Variants in ZNF133 observed in about 807,000 individuals in gnomAD.
ZNF133 encodes zinc finger protein 133 (clone pHZ-13).
A neutral mutation model predicts 54.9 loss-of-function variants in ZNF133; 26 were observed. The observed-to-expected ratio is 0.47, with a 90% CI of 0.35 to 0.66. The LOEUF (loss-of-function observed/expected upper bound fraction) is 0.66. ZNF133 is among the 30% of genes least tolerant of loss of function. The pLI is 0.01. For synonymous variants in ZNF133, 298 were observed against 320.3 expected (o/e 0.93, Z 0.74); for missense variants, 653 against 820.8 (o/e 0.80, Z 2.50).
chr20:18,310,720 A>T (rs2045705199), intron 6 of ZNF133, among the ~76,000 whole-genome samples: 1 of 152,178 alleles, frequency 6.6e-6, no homozygotes, highest in Admixed American at 6.5e-5. Context: ...TAATAACAAT[A>T]TATTGTATTC....
At position 18,316,842 on chromosome 20, in the gene ZNF133, GAGTC is replaced by G. The variant is rs760449753; in HGVS notation, c.*29_*32del. 4.5e-6 allele frequency: 7 copies of G among 1,566,062 alleles called. No homozygotes were observed. The East Asian group carries it at 1.6e-4, about 35-fold the overall frequency. ...AGGCAAAGATGGGGACAAGGACTAAGAGTCAGAATGTTGACACTTTGATGAAATG... is the reference window on the plus strand; with the variant it reads ...AGGCAAAGATGGGGACAAGGACTAAGAGAATGTTGACACTTTGATGAAATG... On this transcript the variant is annotated 3_prime_UTR_variant, in exon 7 of 7. Transcript: ENST00000425686.
intron 6 of ZNF133, among the ~76,000 whole-genome samples, chr20:18,308,792 A>G (rs964865440): frequency 6.6e-6 from 1 of 152,218 alleles, no homozygotes; most frequent in Non-Finnish European, 1.5e-5. Context: ...TAACAGATAA[A>G]TTTCATGAGA....
Position 18,316,210 on chromosome 20 carries a change from C to T in ZNF133, c.1359C>T (p.Leu453=). The T allele has an allele frequency of 6.2e-7, 1 of 1,607,370 alleles. No homozygotes were observed. Among genetic ancestry groups the T allele is most frequent in the East Asian group, 2.2e-5 (1 of 44,808 alleles). ...GAGGCTTTAGTCTCAAGTCACACCT[C>T]AACAGACACCAGAACATACACTCAG... is the stretch of plus-strand genomic sequence containing the variant. ...CGRGFSLKSH[L]NRHQNIHSGE... The change falls in exon 7 of 7, where the codon CTC becomes CTT. Residue 453 remains leucine (L), a synonymous_variant. Transcript: ENST00000425686.
chr20:18,300,532 A>T (rs1188579006), intron 3 of ZNF133, among the ~76,000 whole-genome samples: 1 of 152,190 alleles, frequency 6.6e-6, no homozygotes, highest in Non-Finnish European at 1.5e-5. Flanking sequence ...ACAATTTGGC[A>T]TAGTGGATTT....
chr20:18,311,506 T>C (rs184747063), intron 6 of ZNF133, among the ~76,000 whole-genome samples: 1 of 152,216 alleles, frequency 6.6e-6, no homozygotes, highest in Non-Finnish European at 1.5e-5. Flanking sequence ...TTTTTCTGTT[T>C]ATTGGCAAGC....
intron 1 of ZNF133, among the ~76,000 whole-genome samples, chr20:18,292,813 T>A (rs2041348876): frequency 6.6e-6 from 1 of 152,206 alleles, no homozygotes; most frequent in Non-Finnish European, 1.5e-5. Flanking sequence ...AATAAATACT[T>A]GCCAAATGAA....
intron 6 of ZNF133, among the ~76,000 whole-genome samples, chr20:18,312,116 G>A (rs1250614390): frequency 6.6e-6 from 1 of 152,130 alleles, no homozygotes; most frequent in East Asian, 1.9e-4. Flanking sequence ...TATGTTTTGT[G>A]TACACCTTGT....
At chr20:18,312,478 GA>G (rs775622353) in intron 6 of ZNF133, among the ~76,000 whole-genome samples, 2 of 152,186 alleles carry the variant, frequency 1.3e-5, no homozygotes, top group Non-Finnish European at 2.9e-5. Context: ...ATCTTACTTT[GA>G]AATATTGATT....
chr20:18,315,578 G>T lies in ZNF133; in HGVS notation c.727G>T (p.Val243Leu). ...QRIHSGEKPY[V>L]CGVCEKGFSL... ...GATACACTCAGGGGAGAAGCCCTAC[G>T]TGTGTGGGGTATGTGAGAAGGGCTT... The change falls in exon 7 of 7, where the codon GTG becomes TTG. Residue 243 changes from valine (V) to leucine (L), a missense_variant. This residue lies in a region of ZNF133 where 292 missense variants were observed against 431.6 expected (regional missense o/e 0.68). Coordinates refer to ENST00000425686, the MANE Select transcript of ZNF133 (RefSeq NM_001352452.2). 6.2e-7 allele frequency: 1 copy of T among 1,614,118 alleles called. No individual in the cohort carries two copies. Among genetic ancestry groups the T allele is most frequent in the Non-Finnish European group, 8.5e-7 (1 of 1,179,996 alleles).
chr20:18,315,145 T>C lies in ZNF133; in HGVS notation c.294T>C (p.His98=), dbSNP rs777678025. 1.2e-6 allele frequency: 2 copies of C among 1,603,792 alleles called. No individual in the cohort carries two copies. The highest frequency in any genetic ancestry group is 1.1e-5 in the South Asian group (1 of 89,908). Reference sequence around the variant, plus strand: ...CCAGTCAGAAATTCCCCATGCAGCATGTGCTGTGTAATCATCCCCCCTGGA... The same window carrying C: ...CCAGTCAGAAATTCCCCATGCAGCACGTGCTGTGTAATCATCCCCCCTGGA... The part of the protein sequence containing the change: ...GFSSQKFPMQ[H]VLCNHPPWIF... Residue 98 remains histidine (H), a synonymous_variant, in exon 7 of 7, where the codon CAT becomes CAC. Transcript: ENST00000425686.
intron 6 of ZNF133, among the ~76,000 whole-genome samples, chr20:18,307,590 T>G (rs1024541811): frequency 1.3e-5 from 2 of 152,254 alleles, no homozygotes; most frequent in African/African-American, 4.8e-5. Flanking sequence ...TACATGTTTT[T>G]ATCTGCCTGA....
At chr20:18,291,600 C>T (rs1025705741) in intron 1 of ZNF133, among the ~76,000 whole-genome samples, 6 of 152,140 alleles carry the variant, frequency 3.9e-5, no homozygotes, top group Non-Finnish European at 7.3e-5. Context: ...TTGGTTCTCC[C>T]GTTCATTCTC....
chr20:18,298,184 C>A, intron 2 of ZNF133, 105 bp from the exon 3 acceptor site: 1 of 1,516,102 alleles, frequency 6.6e-7, no homozygotes, highest in Non-Finnish European at 8.8e-7. Flanking sequence ...TGCTCCCCTG[C>A]CTCAGCATCA....
At chr20:18,304,981 G>C in intron 3 of ZNF133, 27 bp from the exon 4 acceptor site, 1 of 985,348 alleles carries the variant, frequency 1.0e-6, no homozygotes, top group South Asian at 4.7e-5. Context: ...CCCTGTCTTA[G>C]AAACCCCTTT....
chr20:18,316,088 G>T lies in ZNF133; in HGVS notation c.1237G>T (p.Gly413Trp). 6.2e-7 allele frequency: 1 copy of T among 1,612,422 alleles called. No individual in the cohort carries two copies. Among genetic ancestry groups the T allele is most frequent in the Non-Finnish European group, 8.5e-7 (1 of 1,179,312 alleles). Residue 413 changes from glycine to tryptophan, a missense_variant, in exon 7 of 7, where the codon GGG becomes TGG. Around this residue, in one of 4 missense-constraint regions of ZNF133, gnomAD observed 292 missense variants for 431.6 expected, o/e 0.68. Coordinates refer to ENST00000425686, the MANE Select transcript of ZNF133 (RefSeq NM_001352452.2). ...CTCAAAGGAGAAGCCCTATGTGTGC[G>T]GGGTGTGTGGGCACAGCTTCAGCCA... The part of the protein sequence containing the change: ...THSKEKPYVC[G>W]VCGHSFSQNS...
intron 6 of ZNF133, chr20:18,310,303 C>G (rs1048151128): frequency 2.0e-5 from 31 of 1,532,350 alleles, no homozygotes; most frequent in Non-Finnish European, 2.6e-5. Context: ...GAAGACTGTT[C>G]TAGGTATAAA....
chr20:18,304,455 A>G lies in ZNF133; in HGVS notation c.-177-553A>G, dbSNP rs998036679. 9.2e-5 allele frequency among the ~76,000 whole-genome samples: 14 copies of G among 152,224 alleles called. No homozygotes were observed. The East Asian group carries it at 1.5e-3, about 17-fold the overall frequency. ...AACAAATATTTATACAACCATGTGCATGGAAGAATAGCCAGAAGCTAGAAA... is the reference window on the plus strand; with the variant it reads ...AACAAATATTTATACAACCATGTGCGTGGAAGAATAGCCAGAAGCTAGAAA... On this transcript the variant is annotated intron_variant, in intron 3 of 6. Coordinates refer to ENST00000425686, the MANE Select transcript of ZNF133 (RefSeq NM_001352452.2).
At chr20:18,288,892 G>A (rs2040250772) in intron 1 of ZNF133, among the ~76,000 whole-genome samples, 1 of 152,164 alleles carries the variant, frequency 6.6e-6, no homozygotes, top group Non-Finnish European at 1.5e-5. Context: ...TTGTGGGTGG[G>A]GACAGGTTCG....
Position 18,315,664 on chromosome 20 carries a change from G to A in ZNF133, c.813G>A (p.Val271=). ...QKAHSGEKPI[V]CRECGRGFNR... is the part of the protein sequence containing the mutation. ...CACACTCGGGGGAGAAGCCAATTGTGTGCAGGGAGTGTGGACGAGGCTTTA... is the reference window on the plus strand; with the variant it reads ...CACACTCGGGGGAGAAGCCAATTGTATGCAGGGAGTGTGGACGAGGCTTTA... Residue 271 remains valine (V), a synonymous_variant, in exon 7 of 7, where the codon GTG becomes GTA. Transcript: ENST00000425686. 2 of 1,613,962 alleles carry A rather than the reference G, an allele frequency of 1.2e-6. No homozygotes were observed. The highest frequency in any genetic ancestry group is 1.7e-6 in the Non-Finnish European group (2 of 1,179,944).
Sources: gnomAD v4.1 joint callset for allele counts (sites outside exome capture counted in the v4.1 genomes callset) on GRCh38, gnomAD v4.1.1 for gene constraint, gnomAD v4.1.1 regional missense constraint, MANE v1.5 for transcripts, NCBI Gene and HGNC (gene_info 2026-07-23, HGNC 2026-07-21) for gene names.